DDAH1: variants seen among roughly 807,000 people sequenced by gnomAD.
DDAH1 encodes the protein dimethylarginine dimethylaminohydrolase 1.
Under a neutral mutation model 28.8 loss-of-function variants are expected in DDAH1, and 19 were observed. That is an observed-to-expected ratio of 0.66 (90% CI 0.46 to 0.97). The LOEUF (loss-of-function observed/expected upper bound fraction) is 0.97. Among genes scored for constraint, DDAH1 ranks in the 50% least tolerant of loss-of-function variants. The pLI is 0.00. For missense variants in DDAH1, 326 were observed against 375.9 expected (o/e 0.87, Z 1.10); for synonymous variants, 153 against 154.4 (o/e 0.99, Z 0.07).
chr1:85,536,635 T>C (rs1296199550), intron 1 of DDAH1, among the ~76,000 whole-genome samples: 2 of 151,918 alleles, frequency 1.3e-5, no homozygotes, highest in Non-Finnish European at 2.9e-5. Flanking sequence ...CCAGTTAAAA[T>C]GGCTATTACC....
chr1:85,388,606 G>A (rs1651394546), intron 1 of DDAH1, among the ~76,000 whole-genome samples: 1 of 152,130 alleles, frequency 6.6e-6, no homozygotes, highest in Non-Finnish European at 1.5e-5. Flanking sequence ...TTAATAAAGT[G>A]TAAAATGACA....
rs543141238 is a variant in DDAH1 at position 85,479,882 on chromosome 1, T to C, written c.-7+16284A>G. Among the ~76,000 whole-genome samples, 12 of 152,308 alleles carry C rather than the reference T, an allele frequency of 7.9e-5. No individual in the cohort carries two copies. The South Asian group carries it at 2.5e-3, about 32-fold the overall frequency. On this transcript the variant is annotated intron_variant, in intron 2 of 6. Transcript: ENST00000426972. ...CTAGAAGAGGTCACAAAATTCTGATTTGGGAATTTTTGTAAACGACTATAC... is the reference window on the plus strand; with the variant it reads ...CTAGAAGAGGTCACAAAATTCTGATCTGGGAATTTTTGTAAACGACTATAC...
intron 2 of DDAH1, among the ~76,000 whole-genome samples, chr1:85,490,799 G>A (rs1656367510): frequency 6.6e-6 from 1 of 152,150 alleles, no homozygotes; most frequent in Admixed American, 6.6e-5. Context: ...TAGTCTATGA[G>A]ATAACACAAG....
chr1:85,407,597 G>T (rs759119850), intron 1 of DDAH1, among the ~76,000 whole-genome samples: 48 of 152,060 alleles, frequency 3.2e-4, no homozygotes, highest in Non-Finnish European at 6.0e-4. Flanking sequence ...GGTTTCTAAG[G>T]GGACACCACC....
chr1:85,565,640 A>G (rs1290513047), intron 1 of DDAH1, among the ~76,000 whole-genome samples: 1 of 152,282 alleles, frequency 6.6e-6, no homozygotes, highest in Non-Finnish European at 1.5e-5. Context: ...CATTGCCAGC[A>G]CACCTGCTCA....
rs977482512 is a variant in DDAH1 at position 85,397,018 on chromosome 1, T to C, written c.304-38171A>G. Among the ~76,000 whole-genome samples, 5 of 148,326 alleles carry C rather than the reference T, an allele frequency of 3.4e-5. No homozygotes were observed. The East Asian group carries it at 9.9e-4, about 30-fold the overall frequency. ...CATCACTGCACTCCAGGCTGGGTGA[T>C]AGTGTGAGACCCTGTCTTAAAAAAA... On this transcript the variant is annotated intron_variant, in intron 1 of 5. Coordinates refer to ENST00000284031, the MANE Select transcript of DDAH1 (RefSeq NM_012137.4).
At chr1:85,576,184 G>T (rs1321648350) in intron 1 of DDAH1, among the ~76,000 whole-genome samples, 3 of 152,026 alleles carry the variant, frequency 2.0e-5, no homozygotes, top group Non-Finnish European at 4.4e-5. Context: ...CATTTAAAAT[G>T]ATGCCCAACC....
Position 85,402,543 on chromosome 1 carries a change from A to G in DDAH1, c.304-43696T>C, listed in dbSNP as rs368533074. Among the ~76,000 whole-genome samples, 5 of 152,344 alleles carry G rather than the reference A, an allele frequency of 3.3e-5. No individual in the cohort carries two copies. In the South Asian group the frequency reaches 1.0e-3, roughly 32 times the overall value. ...TATAATTTCAGTTACAAATACTAAG[A>G]TATAAAAATGCTTTGTATATTTTTC... On this transcript the variant is annotated intron_variant, in intron 1 of 5. Transcript: ENST00000284031.
At chr1:85,392,292 G>T (rs1342324) in intron 1 of DDAH1, among the ~76,000 whole-genome samples, 151,125 of 152,250 alleles carry the variant, frequency 0.99, 75,018 homozygotes, top group Middle Eastern at 1. Context: ...CATGTCTATA[G>T]GTCCAAATTT....
chr1:85,537,786 T>C (rs1403961), intron 1 of DDAH1, among the ~76,000 whole-genome samples: 83 of 150,454 alleles, frequency 5.5e-4, no homozygotes, highest in African/African-American at 2.0e-3. Flanking sequence ...TCTTTAGGAC[T>C]CTGGCATATT....
chr1:85,401,108 A>G (rs1250450422), intron 1 of DDAH1, among the ~76,000 whole-genome samples: 1 of 152,316 alleles, frequency 6.6e-6, no homozygotes, highest in East Asian at 1.9e-4. Context: ...TGAGTACAGC[A>G]GACTAACACT....
At chr1:85,412,294 C>T (rs1489967636) in intron 1 of DDAH1, among the ~76,000 whole-genome samples, 1 of 152,138 alleles carries the variant, frequency 6.6e-6, no homozygotes, top group African/African-American at 2.4e-5. Context: ...CAAATGAACA[C>T]AGAAATAATC....
chr1:85,516,948 A>C (rs2100757457), intron 1 of DDAH1, among the ~76,000 whole-genome samples: 1 of 152,288 alleles, frequency 6.6e-6, no homozygotes, highest in East Asian at 1.9e-4. Flanking sequence ...ACAGTGGTTA[A>C]GAGTGCAGAC....
chr1:85,533,609 T>C (rs1464116151), intron 1 of DDAH1, among the ~76,000 whole-genome samples: 7 of 152,106 alleles, frequency 4.6e-5, no homozygotes, highest in Non-Finnish European at 7.3e-5. Context: ...ACTTGAGAAT[T>C]TGCACCTAAA....
chr1:85,561,196 T>C (rs1393174670), intron 1 of DDAH1, among the ~76,000 whole-genome samples: 1 of 152,116 alleles, frequency 6.6e-6, no homozygotes, highest in Non-Finnish European at 1.5e-5. Flanking sequence ...TAGTTTCCTG[T>C]AATGTAGGGA....
chr1:85,432,625 T>C (rs1187569891), intron 1 of DDAH1, among the ~76,000 whole-genome samples: 1 of 152,176 alleles, frequency 6.6e-6, no homozygotes, highest in African/African-American at 2.4e-5. Flanking sequence ...TTTAATATTA[T>C]TGCAAACCAA....
rs538366781 is a variant in DDAH1 at position 85,475,786 on chromosome 1, C to G, written c.-7+20380G>C. On this transcript the variant is annotated intron_variant, in intron 2 of 6. Transcript: ENST00000426972. Reference sequence around the variant, plus strand: ...TCTAGTGGCTTTATGGAGAAAGCCTCACTGTCCCTATTACCTGAACTCTTA... The same window carrying G: ...TCTAGTGGCTTTATGGAGAAAGCCTGACTGTCCCTATTACCTGAACTCTTA... Among the ~76,000 whole-genome samples, 6 of 152,232 alleles carry G rather than the reference C, an allele frequency of 3.9e-5. No individual in the cohort carries two copies. In the South Asian group the frequency reaches 1.2e-3, roughly 32 times the overall value.
upstream of DDAH1, among the ~76,000 whole-genome samples, chr1:85,466,832 C>CTTTTTTTTTTTTTTTTTTTTT (rs10675813): frequency 1.8e-4 from 13 of 70,738 alleles, 2 homozygotes; most frequent in Admixed American, 4.9e-4. Flanking sequence ...ATTATTTATT[C>CTTTTTTTTTTTTTTTTTTTTT]TTTTTTTTTT....
chr1:85,425,996 G>A (rs542776128), intron 1 of DDAH1, among the ~76,000 whole-genome samples: 1 of 152,110 alleles, frequency 6.6e-6, no homozygotes, highest in Non-Finnish European at 1.5e-5. Context: ...ATCCTGTCCT[G>A]GTGGACCTCA....
Sources: gnomAD v4.1 joint callset for allele counts (sites outside exome capture counted in the v4.1 genomes callset) on GRCh38, gnomAD v4.1.1 for gene constraint, MANE v1.5 for transcripts, NCBI Gene and HGNC (gene_info 2026-07-23, HGNC 2026-07-21) for gene names.